Variants in SND1 observed in about 807,000 individuals in gnomAD.
The protein encoded by SND1 is staphylococcal nuclease domain-containing protein 1.
SND1 carries 38 observed loss-of-function variants against 121.7 expected under a neutral mutation model. The observed-to-expected ratio is 0.31, with a 90% CI of 0.24 to 0.41. The LOEUF (loss-of-function observed/expected upper bound fraction) is 0.41, where lower values mean the gene tolerates loss of function less well. SND1 is among the 10% of genes least tolerant of loss of function. SND1 has a pLI of 1.00. For missense variants in SND1, 868 were observed against 1,184.6 expected, an observed-to-expected ratio of 0.73 and a Z score of 3.92; for synonymous variants, 401 against 447.4, an observed-to-expected ratio of 0.90 and a Z score of 1.31.
chr7:127,870,466 T>C (rs186523923), intron 12 of SND1, among the ~76,000 whole-genome samples: 76 of 152,316 alleles, frequency 5.0e-4, no homozygotes, highest in Admixed American at 3.8e-3. Context: ...TCATGCAGTG[T>C]ACTCACAGGA....
At chr7:127,827,549 G>A (rs943071113) in intron 11 of SND1, among the ~76,000 whole-genome samples, 14 of 151,968 alleles carry the variant, frequency 9.2e-5, no homozygotes, top group Admixed American at 5.9e-4. Context: ...TCTTTCCACC[G>A]CTCCCCAGCC....
At chr7:127,843,438 T>C (rs1015835710) in intron 11 of SND1, among the ~76,000 whole-genome samples, 1 of 152,224 alleles carries the variant, frequency 6.6e-6, no homozygotes, top group African/African-American at 2.4e-5. Flanking sequence ...ACCACTGATA[T>C]TTTTATTGTC....
intron 9 of SND1, among the ~76,000 whole-genome samples, chr7:127,708,832 AAAGTGGTT>A (rs1175328627): frequency 6.6e-6 from 1 of 152,208 alleles, no homozygotes; most frequent in Non-Finnish European, 1.5e-5. Context: ...TTATGGGCTA[AAAGTGGTT>A]AAGTGCCAAA....
chr7:127,677,103 C>T (rs1562975108), intron 1 of SND1, among the ~76,000 whole-genome samples: 2 of 152,046 alleles, frequency 1.3e-5, no homozygotes, highest in Non-Finnish European at 2.9e-5. Flanking sequence ...CATACTCTTC[C>T]AGTCTTTATA....
rs1224180308 is a variant in SND1 at position 128,085,992 on chromosome 7, C to A, written c.2304+212C>A. Among the ~76,000 whole-genome samples, 10 of 152,326 alleles carry A rather than the reference C, an allele frequency of 6.6e-5. No homozygotes were observed. The highest frequency in any genetic ancestry group is 2.4e-4 in the African/African-American group (10 of 41,572). ...TGGCTGCAAGCACTGATAGGTCCCG[C>A]ATCCAGACCCCACGGATGAGTGTCC... On this transcript the variant is annotated intron_variant, in intron 20 of 23. Coordinates refer to ENST00000354725, the MANE Select transcript of SND1 (RefSeq NM_014390.4). The surrounding 1 kb of genome is among the most constrained non-coding windows in gnomAD (Gnocchi z 4.4).
chr7:128,021,922 G>A (rs1325223429), intron 16 of SND1, among the ~76,000 whole-genome samples: 1 of 152,070 alleles, frequency 6.6e-6, no homozygotes, highest in Non-Finnish European at 1.5e-5. Context: ...GGTAGGTGGG[G>A]GCTGGGTACA....
At chr7:127,950,219 T>A (rs1349818176) in intron 15 of SND1, among the ~76,000 whole-genome samples, 1 of 152,178 alleles carries the variant, frequency 6.6e-6, no homozygotes, top group Non-Finnish European at 1.5e-5. Context: ...CCTCCCCCTT[T>A]TTTTTTCCTC....
At chr7:127,742,495 A>G (rs1157253186) in intron 10 of SND1, among the ~76,000 whole-genome samples, 1 of 151,424 alleles carries the variant, frequency 6.6e-6, no homozygotes, top group Non-Finnish European at 1.5e-5. Flanking sequence ...TTCCTGCAAT[A>G]CTTTTTTTTT....
At chr7:127,845,013 C>T (rs974530684) in intron 12 of SND1, among the ~76,000 whole-genome samples, 1 of 152,188 alleles carries the variant, frequency 6.6e-6, no homozygotes, top group African/African-American at 2.4e-5. Flanking sequence ...CAGCCAGTCC[C>T]CAATAGCAAT....
At chr7:128,059,395 T>C (rs1032047605) in intron 16 of SND1, among the ~76,000 whole-genome samples, 2 of 152,234 alleles carry the variant, frequency 1.3e-5, no homozygotes, top group African/African-American at 4.8e-5. Flanking sequence ...TCTCTCCTTT[T>C]AGACCTACTG....
rs139422125 is a variant in SND1 at position 128,020,942 on chromosome 7, A to T, written c.1779+29886A>T. 4.3e-3 allele frequency among the ~76,000 whole-genome samples: 651 copies of T among 152,290 alleles called. 3 individuals carry two copies. Among genetic ancestry groups the T allele is most frequent in the African/African-American group, 0.015 (630 of 41,560 alleles). On this transcript the variant is annotated intron_variant, in intron 16 of 23. Coordinates refer to ENST00000354725, the MANE Select transcript of SND1 (RefSeq NM_014390.4). ...ATGAAATGCAAACATGCTTTGAAAGAGCACAGTCTTGTCCTGTCCCTCTGC... is the reference window on the plus strand; with the variant it reads ...ATGAAATGCAAACATGCTTTGAAAGTGCACAGTCTTGTCCTGTCCCTCTGC...
At chr7:127,850,703 G>A (rs1799150277) in intron 12 of SND1, among the ~76,000 whole-genome samples, 1 of 152,214 alleles carries the variant, frequency 6.6e-6, no homozygotes, top group Admixed American at 6.5e-5. Flanking sequence ...AAAAAGAGCA[G>A]TTTAGATTGT....
intron 16 of SND1, among the ~76,000 whole-genome samples, chr7:128,040,762 C>T (rs1265297704): frequency 1.1e-4 from 16 of 152,248 alleles, no homozygotes; most frequent in Non-Finnish European, 2.9e-5. Flanking sequence ...GCCTCCAAGC[C>T]GTTCTAATCC....
intron 16 of SND1, chr7:127,999,120 C>G (rs1458025558): frequency 6.6e-6 from 1 of 152,164 alleles, no homozygotes; most frequent in East Asian, 1.9e-4. Context: ...GGCCTCACTG[C>G]TCTCCAGAGG....
At chr7:127,704,285 A>T (rs889604324) in intron 7 of SND1, among the ~76,000 whole-genome samples, 2 of 152,182 alleles carry the variant, frequency 1.3e-5, no homozygotes, top group African/African-American at 4.8e-5. Flanking sequence ...GAAGGTTGAA[A>T]GGCTTGGTTT....
At chr7:127,662,367 C>T (rs373910636) in intron 1 of SND1, among the ~76,000 whole-genome samples, 5 of 152,032 alleles carry the variant, frequency 3.3e-5, no homozygotes, top group South Asian at 2.1e-4. Context: ...AATGGTTGAG[C>T]GGTATTCCAC....
chr7:128,036,690 G>T (rs1466586449), intron 16 of SND1, among the ~76,000 whole-genome samples: 2 of 152,176 alleles, frequency 1.3e-5, no homozygotes, highest in Non-Finnish European at 2.9e-5. Context: ...TTCTTTGTGG[G>T]CTGTCAGGCT....
At chr7:127,798,410 G>A (rs564728201) in intron 10 of SND1, among the ~76,000 whole-genome samples, 2 of 152,284 alleles carry the variant, frequency 1.3e-5, no homozygotes, top group South Asian at 2.1e-4. Context: ...GGCCAGGTTG[G>A]TTTGCTGTCT....
intron 10 of SND1, among the ~76,000 whole-genome samples, chr7:127,763,510 C>T (rs1401878476): frequency 1.3e-5 from 2 of 152,030 alleles, no homozygotes; most frequent in East Asian, 3.9e-4. Context: ...CCATGCCCAG[C>T]TAATTTTTTT....
Sources: gnomAD v4.1 joint callset for allele counts (sites outside exome capture counted in the v4.1 genomes callset) on GRCh38, gnomAD v4.1.1 for gene constraint, Gnocchi (gnomAD v3.1) non-coding constraint, MANE v1.5 for transcripts, NCBI Gene and HGNC (gene_info 2026-07-23, HGNC 2026-07-21) for gene names.